The following FARP1 variants were observed in gnomAD, a reference collection of about 807,000 sequenced individuals.
FARP1 encodes FERM, ARH/RhoGEF and pleckstrin domain protein 1, also known as FERM, ARHGEF and pleckstrin domain-containing protein 1.
FARP1 carries 52 observed loss-of-function variants against 128.8 expected under a neutral mutation model. The ratio of observed to expected loss-of-function variants is 0.40; its 90% CI spans 0.32 to 0.51. FARP1 has a LOEUF of 0.51. Among genes scored for constraint, FARP1 ranks in the 20% least tolerant of loss-of-function variants. The pLI, the probability that FARP1 is intolerant of heterozygous loss-of-function variation, is 0.45. For missense variants in FARP1, 1,333 were observed against 1,367.9 expected (o/e 0.97, Z 0.40); for synonymous variants, 580 against 551.8 (o/e 1.05, Z -0.72).
chr13:98,197,749 C>T (rs1402195200), intron 1 of FARP1, among the ~76,000 whole-genome samples: 1 of 151,818 alleles, frequency 6.6e-6, no homozygotes, highest in Non-Finnish European at 1.5e-5. Flanking sequence ...ATTCTTCTGC[C>T]TCAGCCTCCC....
rs150971334 is a variant in FARP1 at position 98,366,276 on chromosome 13, C to T, written c.319+839C>T. On this transcript the variant is annotated intron_variant, in intron 4 of 26. Coordinates refer to ENST00000319562, the MANE Select transcript of FARP1 (RefSeq NM_005766.4). ...GCAATTGATGTGGATGTAATAAACACGCAGCACAATTTCTGTGTGGCCCGT... is the reference window on the plus strand; with the variant it reads ...GCAATTGATGTGGATGTAATAAACATGCAGCACAATTTCTGTGTGGCCCGT... Among the ~76,000 whole-genome samples, 59 of 152,306 alleles carry T rather than the reference C, an allele frequency of 3.9e-4. No homozygotes were observed. The East Asian group carries it at 5.4e-3, about 14-fold the overall frequency.
At chr13:98,316,014 T>C (rs1886702828) in intron 2 of FARP1, among the ~76,000 whole-genome samples, 1 of 152,206 alleles carries the variant, frequency 6.6e-6, no homozygotes, top group South Asian at 2.1e-4. Context: ...GTGCGGCTTA[T>C]GTCATGGACC....
chr13:98,421,091 C>T (rs530881458), intron 16 of FARP1, among the ~76,000 whole-genome samples: 10 of 152,282 alleles, frequency 6.6e-5, no homozygotes, highest in Admixed American at 4.6e-4. Context: ...CACCACATCG[C>T]GTAGAGCTGA....
At chr13:98,278,725 A>G (rs1398053594) in intron 2 of FARP1, among the ~76,000 whole-genome samples, 16 of 152,330 alleles carry the variant, frequency 1.1e-4, no homozygotes, top group Non-Finnish European at 2.1e-4. Flanking sequence ...TTCATGGACT[A>G]TGTCATAAAT....
chr13:98,166,110 G>C (rs1176084310), intron 1 of FARP1, among the ~76,000 whole-genome samples: 2 of 152,096 alleles, frequency 1.3e-5, no homozygotes, highest in Non-Finnish European at 2.9e-5. Context: ...AATACACTCC[G>C]AAGATGGTTT....
intron 2 of FARP1, among the ~76,000 whole-genome samples, chr13:98,268,632 T>A (rs1039011417): frequency 6.6e-5 from 10 of 151,990 alleles, no homozygotes; most frequent in African/African-American, 2.4e-4. Flanking sequence ...CACGCCCGGC[T>A]AATTTTTGTA....
At chr13:98,304,921 CA>C (rs1886075467) in intron 2 of FARP1, among the ~76,000 whole-genome samples, 1 of 152,118 alleles carries the variant, frequency 6.6e-6, no homozygotes, top group African/African-American at 2.4e-5. Flanking sequence ...CAAAGAAATA[CA>C]CTTGAATTCT....
At chr13:98,222,457 G>A (rs1046483236) in intron 2 of FARP1, among the ~76,000 whole-genome samples, 2 of 152,128 alleles carry the variant, frequency 1.3e-5, no homozygotes, top group Non-Finnish European at 2.9e-5. Flanking sequence ...GACTTGGCGC[G>A]GGTCAGAGTG....
chr13:98,191,348 A>T (rs1879216931), intron 1 of FARP1, among the ~76,000 whole-genome samples: 1 of 152,224 alleles, frequency 6.6e-6, no homozygotes, highest in Non-Finnish European at 1.5e-5. Flanking sequence ...AACAGAAATG[A>T]AACTAAATAG....
At chr13:98,217,611 A>G (rs1945883629) in intron 2 of FARP1, among the ~76,000 whole-genome samples, 1 of 152,174 alleles carries the variant, frequency 6.6e-6, no homozygotes, top group East Asian at 1.9e-4. Context: ...GGAGAGAGCA[A>G]TGAGCCTCCA....
chr13:98,371,741 A>G (rs1214807724), intron 5 of FARP1, among the ~76,000 whole-genome samples: 1 of 152,100 alleles, frequency 6.6e-6, no homozygotes, highest in Non-Finnish European at 1.5e-5. Flanking sequence ...GAGAAGCTCC[A>G]TGTCAGCTGT....
rs962769724 is a variant in FARP1 at position 98,440,108 on chromosome 13, C to T, written c.2517-15C>T. On this transcript the variant is annotated splice_polypyrimidine_tract_variant and intron_variant, in intron 22 of 26. Transcript: ENST00000319562. ...TGTGCTGTGGCCTGAACACCTGACGCGTCTCTGTCTCCAGTTCTCGGTCCG... is the reference window on the plus strand; with the variant it reads ...TGTGCTGTGGCCTGAACACCTGACGTGTCTCTGTCTCCAGTTCTCGGTCCG... 141 of 1,609,954 alleles carry T rather than the reference C, an allele frequency of 8.8e-5. No homozygotes were observed. The highest frequency in any genetic ancestry group is 1.1e-4 in the Non-Finnish European group (132 of 1,176,342).
intron 16 of FARP1, among the ~76,000 whole-genome samples, chr13:98,414,672 T>C (rs1431094811): frequency 6.6e-6 from 1 of 152,130 alleles, no homozygotes; most frequent in Non-Finnish European, 1.5e-5. Context: ...GATTCCAAAG[T>C]GTAGCCAAGG....
intron 2 of FARP1, among the ~76,000 whole-genome samples, chr13:98,322,279 CAA>C (rs1283618147): frequency 1.3e-5 from 2 of 152,076 alleles, no homozygotes; most frequent in African/African-American, 4.8e-5. Context: ...GCTTGGGTGA[CAA>C]GAGTGAAACT....
chr13:98,214,087 C>T (rs2139330325), intron 2 of FARP1, among the ~76,000 whole-genome samples: 1 of 152,334 alleles, frequency 6.6e-6, no homozygotes, highest in East Asian at 1.9e-4. Context: ...AGCCTGGGCC[C>T]CTCAGCAGCT....
At chr13:98,355,573 G>A (rs1189960538) in intron 3 of FARP1, among the ~76,000 whole-genome samples, 6 of 152,176 alleles carry the variant, frequency 3.9e-5, no homozygotes, top group African/African-American at 1.4e-4. Flanking sequence ...GCCCAGTGGT[G>A]TACGTTTCAA....
chr13:98,154,944 G>A (rs971197794), intron 1 of FARP1, among the ~76,000 whole-genome samples: 2 of 152,202 alleles, frequency 1.3e-5, no homozygotes, highest in African/African-American at 4.8e-5. Flanking sequence ...GGGCATGGTG[G>A]CACATACCTG....
At chr13:98,435,529 C>A in intron 18 of FARP1, 47 bp from the exon 19 acceptor site, 1 of 1,568,474 alleles carries the variant, frequency 6.4e-7, no homozygotes, top group Admixed American at 1.8e-5. Context: ...GGGGAAGACC[C>A]CTGCCTGCCT....
Position 98,176,686 on chromosome 13 carries a change from C to T in FARP1, c.-24+33194C>T, listed in dbSNP as rs1878069776. The T allele has an allele frequency of 6.2e-7, 1 of 1,614,210 alleles. No individual in the cohort carries two copies. Among genetic ancestry groups the T allele is most frequent in the Non-Finnish European group, 8.5e-7 (1 of 1,180,022 alleles). ...CTGGTAATCCCAGCGCACAGTGGCGCGCAGATGCCCTGGCGCACGTATGGG... is the reference window on the plus strand; with the variant it reads ...CTGGTAATCCCAGCGCACAGTGGCGTGCAGATGCCCTGGCGCACGTATGGG... On this transcript the variant is annotated intron_variant, in intron 1 of 26. Coordinates refer to ENST00000319562, the MANE Select transcript of FARP1 (RefSeq NM_005766.4). This position sits in a 1 kb window ranked among gnomAD's most constrained non-coding sequence, Gnocchi z 6.2.
Sources: gnomAD v4.1 joint callset for allele counts (sites outside exome capture counted in the v4.1 genomes callset) on GRCh38, gnomAD v4.1.1 for gene constraint, Gnocchi (gnomAD v3.1) non-coding constraint, MANE v1.5 for transcripts, NCBI Gene and HGNC (gene_info 2026-07-23, HGNC 2026-07-21) for gene names.